Variants in GLT8D2 observed in about 807,000 individuals in gnomAD.
GLT8D2 encodes glycosyltransferase 8 domain containing 2.
GLT8D2 carries 45 observed loss-of-function variants against 44.5 expected under a neutral mutation model. The observed-to-expected ratio is 1.01, with a 90% CI of 0.80 to 1.30. The LOEUF (loss-of-function observed/expected upper bound fraction) is 1.30. Among genes scored for constraint, GLT8D2 ranks in the 50% most tolerant of loss-of-function variants. The pLI is 0.00. For synonymous variants in GLT8D2, 156 were observed against 157.2 expected (o/e 0.99, Z 0.06); for missense variants, 400 against 430.4 (o/e 0.93, Z 0.62).
At chr12:104,030,967 G>A in intron 1 of GLT8D2, 6 of 1,399,082 alleles carry the variant, frequency 4.3e-6, no homozygotes, top group Non-Finnish European at 6.0e-6. Flanking sequence ...AGAAGAGAGC[G>A]ATCCGGACCC....
intron 3 of GLT8D2, among the ~76,000 whole-genome samples, chr12:104,016,574 C>T (rs1405061151): frequency 2.0e-5 from 3 of 150,172 alleles, no homozygotes; most frequent in Non-Finnish European, 4.4e-5. Flanking sequence ...GCAGAGGTTG[C>T]AGTGAGCCGA....
chr12:104,035,693 T>C (rs992293442), intron 1 of GLT8D2, among the ~76,000 whole-genome samples: 4 of 152,196 alleles, frequency 2.6e-5, no homozygotes, highest in Non-Finnish European at 5.9e-5. Context: ...CTACATTTGA[T>C]TGGTGTACCT....
intron 1 of GLT8D2, among the ~76,000 whole-genome samples, chr12:104,041,090 A>G (rs1298487498): frequency 6.6e-6 from 1 of 151,844 alleles, no homozygotes; most frequent in Non-Finnish European, 1.5e-5. Flanking sequence ...AACATGGTGA[A>G]ACCCCGTCTC....
chr12:104,064,278 TG>T, upstream of GLT8D2: 1 of 361,684 alleles, frequency 2.8e-6, no homozygotes, highest in Non-Finnish European at 5.0e-6. The surrounding 1 kb of genome is among the most constrained non-coding windows in gnomAD (Gnocchi z 7.3). Context: ...CGGGAGGCTC[TG>T]GGTGGGGATG....
intron 3 of GLT8D2, among the ~76,000 whole-genome samples, chr12:104,016,858 G>GA (rs796702840): frequency 8.0e-5 from 12 of 150,110 alleles, no homozygotes; most frequent in African/African-American, 3.0e-4. Flanking sequence ...AAGAAAGAAA[G>GA]AAAGAAAGAA....
At chr12:104,030,789 A>G (rs1879148945) in intron 1 of GLT8D2, 2 of 1,611,256 alleles carry the variant, frequency 1.2e-6, no homozygotes, top group Non-Finnish European at 8.5e-7. Context: ...ATGGCCGCCT[A>G]CAAACTGGTG....
At chr12:104,017,437 C>T (rs959314947) in intron 3 of GLT8D2, among the ~76,000 whole-genome samples, 3 of 152,180 alleles carry the variant, frequency 2.0e-5, no homozygotes, top group Non-Finnish European at 2.9e-5. Flanking sequence ...ATTCTCCTGC[C>T]TCAGCCTCCC....
Position 103,992,211 on chromosome 12 carries a change from T to C in GLT8D2, c.880+1181A>G, listed in dbSNP as rs192852039. Among the ~76,000 whole-genome samples, 212 of 152,270 alleles carry C rather than the reference T, an allele frequency of 1.4e-3. 1 individual carries two copies. Among genetic ancestry groups the C allele is most frequent in the African/African-American group, 4.9e-3 (205 of 41,556 alleles). On this transcript the variant is annotated intron_variant, in intron 10 of 10. Coordinates refer to ENST00000360814, the MANE Select transcript of GLT8D2 (RefSeq NM_001384711.1). ...CTCTATGCTAAGCAATTTACATGTATTCCGTAACCTGCCCCAAATCATAGT... is the reference window on the plus strand; with the variant it reads ...CTCTATGCTAAGCAATTTACATGTACTCCGTAACCTGCCCCAAATCATAGT...
intron 1 of GLT8D2, among the ~76,000 whole-genome samples, chr12:104,029,184 G>A (rs981127852): frequency 2.0e-5 from 3 of 152,086 alleles, no homozygotes; most frequent in Admixed American, 6.5e-5. Context: ...CAGCTACTTC[G>A]GAGGCTGAGG....
At chr12:104,062,234 C>T (rs751353152) in intron 1 of GLT8D2, among the ~76,000 whole-genome samples, 6 of 151,760 alleles carry the variant, frequency 4.0e-5, no homozygotes, top group Non-Finnish European at 5.9e-5. Flanking sequence ...CCACCACGCC[C>T]GGCTAATTTT....
intron 1 of GLT8D2, among the ~76,000 whole-genome samples, chr12:104,040,865 A>G (rs1880473693): frequency 6.6e-6 from 1 of 152,222 alleles, no homozygotes; most frequent in African/African-American, 2.4e-5. Flanking sequence ...ATGTGAGAAT[A>G]AATAAATTTA....
chr12:104,002,419 T>C (rs1482577595), intron 5 of GLT8D2, among the ~76,000 whole-genome samples: 2 of 152,234 alleles, frequency 1.3e-5, no homozygotes, highest in East Asian at 1.9e-4. Context: ...TAAAAATACT[T>C]GGTCCTAATC....
intron 9 of GLT8D2, 169 bp downstream of exon 9, chr12:103,994,166 G>T: frequency 2.0e-6 from 1 of 508,008 alleles, no homozygotes; most frequent in Non-Finnish European, 3.3e-6. Flanking sequence ...TATCTTTTGA[G>T]GAAAGGTTTT....
At chr12:104,056,380 A>C (rs1882184318) in intron 1 of GLT8D2, among the ~76,000 whole-genome samples, 1 of 152,318 alleles carries the variant, frequency 6.6e-6, no homozygotes, top group African/African-American at 2.4e-5. Context: ...CTCAATTGAG[A>C]TTAAAGACAT....
chr12:104,009,959 G>A (rs890954047), intron 4 of GLT8D2, among the ~76,000 whole-genome samples: 1 of 151,834 alleles, frequency 6.6e-6, no homozygotes, highest in African/African-American at 2.4e-5. Context: ...TCAGTCTTAG[G>A]TATGTCTTTA....
chr12:104,013,079 G>T (rs1240054513), intron 4 of GLT8D2, among the ~76,000 whole-genome samples: 1 of 152,172 alleles, frequency 6.6e-6, no homozygotes, highest in Non-Finnish European at 1.5e-5. Context: ...AACGAATACA[G>T]ATTTTTAAAA....
chr12:104,052,053 G>A (rs1881775592), upstream of GLT8D2, among the ~76,000 whole-genome samples: 1 of 152,096 alleles, frequency 6.6e-6, no homozygotes. Context: ...AGTCCAGGTT[G>A]GTCCAAATGT....
intron 4 of GLT8D2, among the ~76,000 whole-genome samples, chr12:104,007,265 T>TCTCTCCCC (rs377119502): frequency 7.3e-6 from 1 of 136,284 alleles, no homozygotes; most frequent in Non-Finnish European, 1.6e-5. Flanking sequence ...TCTCTCTCTC[T>TCTCTCCCC]CCCCCCGCTC....
upstream of GLT8D2, among the ~76,000 whole-genome samples, chr12:104,051,535 AG>A (rs1881730009): frequency 6.6e-6 from 1 of 152,214 alleles, no homozygotes; most frequent in African/African-American, 2.4e-5. Context: ...TACAATGTAT[AG>A]TGATCAGAAC....
Sources: allele counts gnomAD v4.1 joint callset (sites outside exome capture counted in the v4.1 genomes callset), GRCh38; gene constraint gnomAD v4.1.1; non-coding constraint Gnocchi (gnomAD v3.1); transcripts MANE v1.5; gene names NCBI Gene and HGNC (gene_info 2026-07-23, HGNC 2026-07-21).